TDRD7: variants seen among roughly 807,000 people sequenced by gnomAD.
TDRD7 encodes the protein tudor domain-containing protein 7.
Under a neutral mutation model 109.8 loss-of-function variants are expected in TDRD7, and 47 were observed. The observed-to-expected ratio is 0.43, with a 90% CI of 0.34 to 0.55. The LOEUF (loss-of-function observed/expected upper bound fraction) is 0.55. Among genes scored for constraint, TDRD7 ranks in the 20% least tolerant of loss-of-function variants. TDRD7 has a pLI of 0.03. For missense variants in TDRD7, 1,164 were observed against 1,319.2 expected (o/e 0.88, Z 1.82); for synonymous variants, 424 against 457.3 (o/e 0.93, Z 0.93).
In TDRD7 at chr9:97,495,770, C is replaced by T. The variant is rs1829387035; in HGVS notation, c.3184C>T (p.Pro1062Ser). The T allele has an allele frequency of 1.9e-6, 3 of 1,614,084 alleles. No individual in the cohort carries two copies. The highest frequency in any genetic ancestry group is 2.5e-6 in the Non-Finnish European group (3 of 1,180,024). Residue 1062 changes from proline (P) to serine (S), a missense_variant, in exon 17 of 17, where the codon CCT (proline) becomes TCT (serine). Physicochemically the swap from Pro to Ser is moderately conservative, Grantham distance 74. Transcript: ENST00000355295. Reference sequence around the variant, plus strand: ...GCAGACAGTCATTGAAAATGCTAACCCTTGGGACCGGAAAGTAGTGGTCTA... The same window carrying T: ...GCAGACAGTCATTGAAAATGCTAACTCTTGGGACCGGAAAGTAGTGGTCTA... ...LVQTVIENAN[P>S]WDRKVVVYLV... is the part of the protein sequence containing the mutation.
intron 4 of TDRD7, among the ~76,000 whole-genome samples, chr9:97,432,518 CT>C (rs1828122083): frequency 6.6e-6 from 1 of 152,156 alleles, no homozygotes; most frequent in South Asian, 2.1e-4. Context: ...TAACTTATAA[CT>C]TTTTCAGAAA....
intron 6 of TDRD7, among the ~76,000 whole-genome samples, chr9:97,445,555 G>A (rs1044581160): frequency 6.6e-6 from 1 of 152,152 alleles, no homozygotes; most frequent in Non-Finnish European, 1.5e-5. Flanking sequence ...ACTAAAACCT[G>A]ACAGATGGGT....
rs1196580303 is a variant in TDRD7, at chr9:97,412,900, T to C, written c.-7+662T>C. Among the ~76,000 whole-genome samples, 1 of 152,132 alleles carries C rather than the reference T, an allele frequency of 6.6e-6. No homozygotes were observed. Among genetic ancestry groups the C allele is most frequent in the Non-Finnish European group, 1.5e-5 (1 of 68,022 alleles). On this transcript the variant is annotated intron_variant, in intron 1 of 16. Transcript: ENST00000355295. The surrounding 1 kb of genome is among the most constrained non-coding windows in gnomAD (Gnocchi z 4.3). The stretch of plus-strand genomic sequence containing the variant: ...CCCTCAGCAGGGTCAGACTCTCAGC[T>C]TCAGCTTGCTAGGAGGGAGCTTGGA...
intron 5 of TDRD7, among the ~76,000 whole-genome samples, chr9:97,439,999 T>G (rs1828274107): frequency 6.6e-6 from 1 of 152,216 alleles, no homozygotes; most frequent in Admixed American, 6.5e-5. Flanking sequence ...AAATGTGATT[T>G]TACATTATTT....
intron 13 of TDRD7, 57 bp downstream of exon 13, chr9:97,478,630 C>A: frequency 6.2e-7 from 1 of 1,609,556 alleles, no homozygotes; most frequent in Non-Finnish European, 8.5e-7. Flanking sequence ...TGTTCATAAT[C>A]TTATTGTAAG....
intron 1 of TDRD7, among the ~76,000 whole-genome samples, chr9:97,419,928 T>A (rs1048609062): frequency 2.6e-5 from 4 of 152,174 alleles, no homozygotes; most frequent in African/African-American, 9.7e-5. Context: ...GTATTTAACT[T>A]ATCTGAACCT....
At chr9:97,458,397 T>C (rs1411976347) in intron 6 of TDRD7, among the ~76,000 whole-genome samples, 2 of 152,192 alleles carry the variant, frequency 1.3e-5, no homozygotes, top group Non-Finnish European at 2.9e-5. Context: ...TTGAGTGTCA[T>C]AAAGCACAGC....
intron 1 of TDRD7, among the ~76,000 whole-genome samples, chr9:97,423,604 GAGAAT>G (rs1827933908): frequency 6.6e-6 from 1 of 151,900 alleles, no homozygotes; most frequent in Non-Finnish European, 1.5e-5. Context: ...CTCAAAGTAG[GAGAAT>G]AGATCATTGA....
intron 12 of TDRD7, among the ~76,000 whole-genome samples, chr9:97,475,852 CTT>C (rs1829009459): frequency 6.6e-6 from 1 of 152,028 alleles, no homozygotes; most frequent in Non-Finnish European, 1.5e-5. Context: ...TATTTTCAAA[CTT>C]TATGTAAGTT....
intron 1 of TDRD7, among the ~76,000 whole-genome samples, chr9:97,420,566 T>C (rs967563919): frequency 6.6e-6 from 1 of 152,208 alleles, no homozygotes. Flanking sequence ...AGCTTTTTCC[T>C]TTAGCATAAT....
chr9:97,483,847 A>G (rs1829166228), intron 15 of TDRD7, among the ~76,000 whole-genome samples: 2 of 152,076 alleles, frequency 1.3e-5, no homozygotes, highest in South Asian at 4.1e-4. Context: ...TTCACCTAAC[A>G]TTATGTCATG....
At chr9:97,463,811 A>G (rs565959020) in intron 7 of TDRD7, among the ~76,000 whole-genome samples, 2 of 152,234 alleles carry the variant, frequency 1.3e-5, no homozygotes, top group Non-Finnish European at 2.9e-5. Flanking sequence ...AAAAGTGTAG[A>G]AAGGAATAAG....
At chr9:97,445,812 T>G (rs1477166236) in intron 6 of TDRD7, among the ~76,000 whole-genome samples, 2 of 152,146 alleles carry the variant, frequency 1.3e-5, no homozygotes, top group African/African-American at 4.8e-5. Flanking sequence ...GGCCTCTGGC[T>G]GACTTTGATT....
intron 4 of TDRD7, among the ~76,000 whole-genome samples, chr9:97,436,520 CAGTT>C (rs1441103270): frequency 6.6e-6 from 1 of 152,058 alleles, no homozygotes; most frequent in East Asian, 1.9e-4. Flanking sequence ...AGTATTCCCT[CAGTT>C]TGTTTAATTA....
At chr9:97,486,154 G>T (rs1270705075) in intron 15 of TDRD7, among the ~76,000 whole-genome samples, 3 of 152,176 alleles carry the variant, frequency 2.0e-5, no homozygotes, top group Admixed American at 2.0e-4. Flanking sequence ...TGGCAAACCT[G>T]TTCCAGAGAA....
Position 97,451,860 on chromosome 9 carries a change from TTGAC to T in TDRD7, c.856-8314_856-8311del, listed in dbSNP as rs146476152. On this transcript the variant is annotated intron_variant, in intron 6 of 16. Transcript: ENST00000355295. ...TGATATCCAATGCAGAATTAATTGA[TTGAC>T]TGAAGTGGGGAGACCCCCCCACCCA... 8.3e-3 allele frequency among the ~76,000 whole-genome samples: 1,260 copies of T among 152,310 alleles called. 42 individuals carry two copies. The East Asian group carries it at 0.11, about 13-fold the overall frequency.
intron 8 of TDRD7, among the ~76,000 whole-genome samples, chr9:97,465,348 C>G (rs1828805619): frequency 2.0e-5 from 3 of 152,208 alleles, no homozygotes; most frequent in Non-Finnish European, 2.9e-5. Flanking sequence ...CTCTGTGGGC[C>G]TCTTATCAAG....
At chr9:97,489,571 TGA>T (rs1332910806) in intron 16 of TDRD7, among the ~76,000 whole-genome samples, 1 of 152,208 alleles carries the variant, frequency 6.6e-6, no homozygotes, top group Non-Finnish European at 1.5e-5. Context: ...AATATGTAGT[TGA>T]GTCTTATTTT....
intron 5 of TDRD7, among the ~76,000 whole-genome samples, chr9:97,441,350 AT>A (rs1297585402): frequency 6.7e-6 from 1 of 148,280 alleles, no homozygotes; most frequent in African/African-American, 2.4e-5. Context: ...TGGTTAAATA[AT>A]TTAATTATTC....
Sources: allele counts gnomAD v4.1 joint callset (sites outside exome capture counted in the v4.1 genomes callset), GRCh38; gene constraint gnomAD v4.1.1; non-coding constraint Gnocchi (gnomAD v3.1); transcripts MANE v1.5; gene names NCBI Gene and HGNC (gene_info 2026-07-23, HGNC 2026-07-21).